The following FOXP1 variants were observed in gnomAD, a reference collection of about 807,000 sequenced individuals.
The protein encoded by FOXP1 is forkhead box protein P1.
A neutral mutation model predicts 98.2 loss-of-function variants in FOXP1; 15 were observed. The observed-to-expected ratio is 0.15, with a 90% CI of 0.10 to 0.24. FOXP1 has a LOEUF of 0.24. Among genes scored for constraint, FOXP1 ranks in the 10% least tolerant of loss-of-function variants. The pLI is 1.00. For synonymous variants in FOXP1, 371 were observed against 314.5 expected (o/e 1.18, Z -1.90); for missense variants, 633 against 848.5 (o/e 0.75, Z 3.15).
At chr3:71,187,140 GA>G (rs2062696785) in intron 6 of FOXP1, among the ~76,000 whole-genome samples, 1 of 152,256 alleles carries the variant, frequency 6.6e-6, no homozygotes, top group African/African-American at 2.4e-5. Context: ...AGAAGGTACT[GA>G]ATGAACAGCT....
intron 1 of FOXP1, chr3:71,582,095 C>A: frequency 1.0e-6 from 1 of 976,994 alleles, no homozygotes; most frequent in Non-Finnish European, 1.2e-6. Context: ...CTGCAGGCAG[C>A]GATTTCGAAG....
At chr3:71,485,584 C>CA (rs2090587159) in intron 3 of FOXP1, among the ~76,000 whole-genome samples, 1 of 152,106 alleles carries the variant, frequency 6.6e-6, no homozygotes, top group Non-Finnish European at 1.5e-5. Flanking sequence ...GCCTGGCCAA[C>CA]ATGGTGAAAC....
At chr3:71,013,259 A>C (rs2043927743) in intron 12 of FOXP1, among the ~76,000 whole-genome samples, 2 of 152,232 alleles carry the variant, frequency 1.3e-5, no homozygotes, top group South Asian at 4.1e-4. Flanking sequence ...ATAGAAAGTT[A>C]AGAACCAAAT....
At chr3:71,095,647 G>T (rs2056385751) in intron 7 of FOXP1, among the ~76,000 whole-genome samples, 1 of 152,076 alleles carries the variant, frequency 6.6e-6, no homozygotes, top group African/African-American at 2.4e-5. Context: ...GCTGCTGAAT[G>T]AGGTATGCCC....
At position 70,972,602 on chromosome 3, in the gene FOXP1, T is replaced by C; in HGVS notation, c.1605A>G (p.Thr535=). Residue 535 remains threonine, a synonymous_variant, in exon 18 of 21, where the codon ACA becomes ACG. Transcript: ENST00000649528. The part of the protein sequence containing the change: ...RVENVKGAVW[T]VDEVEFQKRR... ...GTTTTTGGAATTCTACTTCATCCAC[T>C]GTCCATACTGCCCCTTTAACGTTTT... 6.2e-7 allele frequency: 1 copy of C among 1,614,208 alleles called. No homozygotes were observed. The highest frequency in any genetic ancestry group is 8.5e-7 in the Non-Finnish European group (1 of 1,180,012).
intron 11 of FOXP1, among the ~76,000 whole-genome samples, chr3:71,031,697 C>A (rs2046888355): frequency 6.6e-6 from 1 of 151,930 alleles, no homozygotes; most frequent in South Asian, 2.1e-4. Flanking sequence ...AACTGGACAA[C>A]CAAAATAGTT....
At chr3:71,389,478 C>A (rs1042695372) in intron 3 of FOXP1, among the ~76,000 whole-genome samples, 1 of 151,816 alleles carries the variant, frequency 6.6e-6, no homozygotes. Flanking sequence ...AACACAACGA[C>A]GTGTACAAAA....
chr3:71,281,291 G>C (rs571597993), intron 5 of FOXP1, among the ~76,000 whole-genome samples: 32 of 151,862 alleles, frequency 2.1e-4, no homozygotes, highest in Non-Finnish European at 4.0e-4. Context: ...TTCCGAGAAA[G>C]GGTCGCTATC....
intron 14 of FOXP1, among the ~76,000 whole-genome samples, chr3:70,980,132 A>G (rs2107366561): frequency 6.6e-6 from 1 of 152,200 alleles, no homozygotes; most frequent in South Asian, 2.1e-4. Context: ...TTTGCAAACT[A>G]AGTGTGAACA....
intron 7 of FOXP1, among the ~76,000 whole-genome samples, chr3:71,073,475 T>C (rs1048983756): frequency 1.3e-5 from 2 of 152,220 alleles, no homozygotes; most frequent in Non-Finnish European, 2.9e-5. Context: ...ACAAGAATCC[T>C]ATAACCTCCA....
At chr3:71,233,578 G>T (rs1026302301) in intron 5 of FOXP1, among the ~76,000 whole-genome samples, 1 of 145,120 alleles carries the variant, frequency 6.9e-6, no homozygotes, top group Non-Finnish European at 1.5e-5. Context: ...AAATGCCCAC[G>T]ACCATGTTTG....
chr3:71,491,525 G>A (rs923711810), intron 3 of FOXP1, among the ~76,000 whole-genome samples: 4 of 152,140 alleles, frequency 2.6e-5, no homozygotes, highest in African/African-American at 9.7e-5. Context: ...TTTCATTGTG[G>A]ACATCCTTGC....
At position 70,955,802 on chromosome 3, in the gene FOXP1, C is replaced by CA. The variant is rs1379198265; in HGVS notation, c.*3444dup. The CA allele has an allele frequency of 1.7e-5, 4 of 230,938 alleles. No homozygotes were observed. Among genetic ancestry groups the CA allele is most frequent in the East Asian group, 6.1e-5 (1 of 16,424 alleles). The allele number at this position is 230,938 out of a possible 1,614,324, so 14.3% of individuals were successfully genotyped here. A position where few individuals can be genotyped will look rare whatever the true frequency, so the allele number is the denominator to read the frequency against. On this transcript the variant is annotated 3_prime_UTR_variant, in exon 21 of 21. Transcript: ENST00000649528. ...ATAAACACAAGGGATAGGAATGTAT[C>CA]AAAAAACAGATTAACACACACGCAC...
At chr3:71,019,269 A>G (rs574312138) in intron 11 of FOXP1, among the ~76,000 whole-genome samples, 105 of 152,348 alleles carry the variant, frequency 6.9e-4, no homozygotes, top group African/African-American at 2.4e-3. Flanking sequence ...ATGGTAAATA[A>G]AGCAGTGAGC....
At chr3:71,062,327 C>A (rs185606622) in intron 7 of FOXP1, among the ~76,000 whole-genome samples, 6 of 152,322 alleles carry the variant, frequency 3.9e-5, no homozygotes. Flanking sequence ...AGACAATACA[C>A]TATATATCCT....
At chr3:71,501,541 C>T (rs897406284) in intron 2 of FOXP1, among the ~76,000 whole-genome samples, 2 of 152,158 alleles carry the variant, frequency 1.3e-5, no homozygotes, top group African/African-American at 4.8e-5. Flanking sequence ...GATCCACCCA[C>T]CTTGGCCTCC....
At chr3:71,569,527 T>C (rs912813474) in intron 2 of FOXP1, among the ~76,000 whole-genome samples, 3 of 152,174 alleles carry the variant, frequency 2.0e-5, no homozygotes, top group African/African-American at 7.2e-5. Flanking sequence ...AGTTGTATTA[T>C]ACTGGAAAAT....
intron 5 of FOXP1, among the ~76,000 whole-genome samples, chr3:71,240,288 T>C (rs1237750291): frequency 6.6e-6 from 1 of 152,258 alleles, no homozygotes; most frequent in African/African-American, 2.4e-5. Context: ...AAGAGTTTAG[T>C]GATGCTCTTT....
chr3:71,182,533 T>TG (rs1491438677), intron 6 of FOXP1, among the ~76,000 whole-genome samples: 1 of 109,968 alleles, frequency 9.1e-6, no homozygotes, highest in African/African-American at 3.5e-5. Flanking sequence ...TGTGTGTGTG[T>TG]ATATATGTAT....
Sources: allele counts gnomAD v4.1 joint callset (sites outside exome capture counted in the v4.1 genomes callset), GRCh38; gene constraint gnomAD v4.1.1; transcripts MANE v1.5; gene names NCBI Gene and HGNC (gene_info 2026-07-23, HGNC 2026-07-21).